Variants in NCAM2 observed in about 807,000 individuals in gnomAD.
NCAM2 encodes the protein N-CAM-2.
A neutral mutation model predicts 98.1 loss-of-function variants in NCAM2; 30 were observed. The ratio of observed to expected loss-of-function variants is 0.31; its 90% CI spans 0.23 to 0.41. NCAM2 has a LOEUF of 0.41. Ranked by LOEUF, NCAM2 falls within the 10% of genes least tolerant of loss-of-function variation. The pLI is 1.00. For synonymous variants in NCAM2, 368 were observed against 342.4 expected, an observed-to-expected ratio of 1.07 and a Z score of -0.83; for missense variants, 867 against 1,005.8, an observed-to-expected ratio of 0.86 and a Z score of 1.87.
chr21:21,259,996 C>A (rs2071832253), intron 1 of NCAM2, among the ~76,000 whole-genome samples: 1 of 142,350 alleles, frequency 7.0e-6, no homozygotes, highest in Non-Finnish European at 1.5e-5. Context: ...GACAAGATAG[C>A]TATATTAAAA....
chr21:21,296,817 G>A (rs2073500982), intron 5 of NCAM2, among the ~76,000 whole-genome samples: 1 of 151,712 alleles, frequency 6.6e-6, no homozygotes, highest in South Asian at 2.1e-4. Flanking sequence ...GTAATTTTAA[G>A]ACTTCTAGTG....
At chr21:21,131,680 TTAC>T (rs1411976266) in intron 1 of NCAM2, among the ~76,000 whole-genome samples, 5 of 152,334 alleles carry the variant, frequency 3.3e-5, no homozygotes, top group East Asian at 1.9e-4. Flanking sequence ...TATACGTCAA[TTAC>T]TACAATTTTA....
intron 8 of NCAM2, among the ~76,000 whole-genome samples, chr21:21,338,781 G>A (rs1017190415): frequency 1.3e-5 from 2 of 152,044 alleles, no homozygotes; most frequent in African/African-American, 4.8e-5. Flanking sequence ...GGTATTACTA[G>A]CATTGCTTAA....
At chr21:21,036,802 A>G (rs2064808424) in intron 1 of NCAM2, among the ~76,000 whole-genome samples, 1 of 152,160 alleles carries the variant, frequency 6.6e-6, no homozygotes. Flanking sequence ...GATAATTTCA[A>G]AGCTGCCCTC....
intron 14 of NCAM2, among the ~76,000 whole-genome samples, chr21:21,471,097 G>A (rs190627828): frequency 8.9e-4 from 135 of 152,040 alleles, no homozygotes; most frequent in African/African-American, 3.1e-3. Context: ...AATATGGATG[G>A]CAGCAGTACT....
intron 11 of NCAM2, among the ~76,000 whole-genome samples, chr21:21,425,194 T>C (rs1274261124): frequency 6.6e-6 from 1 of 151,858 alleles, no homozygotes; most frequent in Non-Finnish European, 1.5e-5. Context: ...GATTTCAACA[T>C]AGAATAAAAT....
At chr21:21,473,013 C>A (rs1984652517) in intron 14 of NCAM2, among the ~76,000 whole-genome samples, 1 of 151,050 alleles carries the variant, frequency 6.6e-6, no homozygotes, top group African/African-American at 2.4e-5. Flanking sequence ...CACACACACA[C>A]ACGTATATAT....
intron 1 of NCAM2, among the ~76,000 whole-genome samples, chr21:21,142,113 A>C (rs917209561): frequency 1.3e-5 from 2 of 152,202 alleles, no homozygotes; most frequent in Non-Finnish European, 2.9e-5. Context: ...GAATAATTAA[A>C]GTAACATTTG....
intron 1 of NCAM2, among the ~76,000 whole-genome samples, chr21:21,115,957 TTGTGTGTG>T (rs58824475): frequency 0.011 from 1,603 of 147,266 alleles, 15 homozygotes; most frequent in Middle Eastern, 0.014. Context: ...CTCTGAGATT[TTGTGTGTG>T]TGTGTGTGTG....
chr21:21,519,694 A>T (rs746537141), intron 16 of NCAM2, among the ~76,000 whole-genome samples: 4 of 152,190 alleles, frequency 2.6e-5, no homozygotes, highest in Non-Finnish European at 5.9e-5. Flanking sequence ...ATTTTTATAT[A>T]AATTTCTTCT....
At chr21:21,188,300 C>A (rs578248523) in intron 1 of NCAM2, among the ~76,000 whole-genome samples, 22 of 152,146 alleles carry the variant, frequency 1.4e-4, no homozygotes, top group African/African-American at 4.3e-4. Context: ...TAAATACTTA[C>A]AAATTTTTGC....
chr21:21,311,487 C>G (rs1029511820), intron 5 of NCAM2, among the ~76,000 whole-genome samples: 5 of 151,908 alleles, frequency 3.3e-5, no homozygotes, highest in African/African-American at 7.2e-5. Flanking sequence ...ACTACAGGCA[C>G]CCGCCACCAC....
At chr21:21,245,391 T>C (rs1041786) in intron 1 of NCAM2, among the ~76,000 whole-genome samples, 10,741 of 152,280 alleles carry the variant, frequency 0.071, 759 homozygotes, top group East Asian at 0.35. Context: ...GTTTTGTTTG[T>C]AAGTTGCTTG....
chr21:21,032,948 T>G (rs56742314), intron 1 of NCAM2, among the ~76,000 whole-genome samples: 1 of 13,612 alleles, frequency 7.3e-5, no homozygotes, highest in African/African-American at 1.3e-4. Context: ...TTCTTTCTTT[T>G]TTTTTTTTTT....
rs142534186 is a variant in NCAM2, at chr21:21,075,633, T to C, written c.55+77015T>C. Among the ~76,000 whole-genome samples, 20 of 152,310 alleles carry C rather than the reference T, an allele frequency of 1.3e-4. No homozygotes were observed. The East Asian group carries it at 2.9e-3, about 22-fold the overall frequency. On this transcript the variant is annotated intron_variant, in intron 1 of 17. Transcript: ENST00000400546. ...CTTTTATTAAAATGAGGAAATTTCC[T>C]TTTATTCCTGGTTTGCAAAGAATTT...
chr21:21,043,367 A>G (rs1402490311), intron 1 of NCAM2, among the ~76,000 whole-genome samples: 1 of 152,114 alleles, frequency 6.6e-6, no homozygotes, highest in Non-Finnish European at 1.5e-5. Flanking sequence ...ATAATATCTC[A>G]TGGGGTTATT....
chr21:21,486,303 CAAAAAAA>C (rs67182493), intron 15 of NCAM2, among the ~76,000 whole-genome samples: 11 of 52,252 alleles, frequency 2.1e-4, no homozygotes, highest in African/African-American at 9.3e-4. Flanking sequence ...GACTCCGTCT[CAAAAAAA>C]AAAAAAAAAA....
intron 8 of NCAM2, among the ~76,000 whole-genome samples, chr21:21,363,262 G>T (rs561119973): frequency 6.6e-6 from 1 of 152,140 alleles, no homozygotes; most frequent in South Asian, 2.1e-4. Flanking sequence ...AGAACATTTT[G>T]GAGATTTATT....
At chr21:21,067,627 G>C (rs1245123051) in intron 1 of NCAM2, among the ~76,000 whole-genome samples, 1 of 151,988 alleles carries the variant, frequency 6.6e-6, no homozygotes, top group Non-Finnish European at 1.5e-5. Context: ...TTAAACACTG[G>C]TAAGACCTTT....
Sources: gnomAD v4.1 joint callset for allele counts (sites outside exome capture counted in the v4.1 genomes callset) on GRCh38, gnomAD v4.1.1 for gene constraint, MANE v1.5 for transcripts, NCBI Gene and HGNC (gene_info 2026-07-23, HGNC 2026-07-21) for gene names.